Variants in C6 observed in about 807,000 individuals in gnomAD.
C6 encodes the protein complement component C6.
In C6, 101 loss-of-function variants were observed where a neutral mutation model predicts 112.9. That is an observed-to-expected ratio of 0.89 (90% confidence interval 0.76 to 1.06). The LOEUF is 1.06. C6 is among the 50% of genes least tolerant of loss of function. The pLI is 0.00. For synonymous variants in C6, 431 were observed against 384.1 expected (o/e 1.12, Z -1.43); for missense variants, 1,202 against 1,104.6 (o/e 1.09, Z -1.25).
At chr5:41,242,474 G>A (rs1287876963) in intron 1 of C6, among the ~76,000 whole-genome samples, 1 of 152,120 alleles carries the variant, frequency 6.6e-6, no homozygotes, top group Non-Finnish European at 1.5e-5. Context: ...CCAGTCTTGG[G>A]CAGTTCTTTA....
At chr5:41,162,170 C>A in intron 9 of C6, among the ~76,000 whole-genome samples, 2 of 152,146 alleles carry the variant, frequency 1.3e-5, no homozygotes, top group South Asian at 4.2e-4. Flanking sequence ...ACATTGAAGC[C>A]GAAAGTAATT....
At chr5:41,248,213 G>A (rs533127647) in intron 1 of C6, among the ~76,000 whole-genome samples, 14 of 152,260 alleles carry the variant, frequency 9.2e-5, no homozygotes, top group Middle Eastern at 3.4e-3. Context: ...TCAAAACTAT[G>A]AGAATCCTAG....
At chr5:41,145,648 T>A (rs1013336600) in intron 17 of C6, among the ~76,000 whole-genome samples, 1 of 152,212 alleles carries the variant, frequency 6.6e-6, no homozygotes, top group Admixed American at 6.6e-5. Flanking sequence ...TGCCTGGGCA[T>A]CTTGCCCTTG....
At chr5:41,254,559 G>T (rs1320947554) in intron 1 of C6, among the ~76,000 whole-genome samples, 1 of 152,086 alleles carries the variant, frequency 6.6e-6, no homozygotes, top group East Asian at 1.9e-4. Flanking sequence ...TCATTATATA[G>T]CTACCAAGTG....
chr5:41,148,007 T>C (rs1309551692), intron 17 of C6, among the ~76,000 whole-genome samples: 1 of 152,196 alleles, frequency 6.6e-6, no homozygotes, highest in African/African-American at 2.4e-5. Context: ...TTCTAGGAAA[T>C]ATAATATGGC....
Position 41,149,222 on chromosome 5 carries a change from G to C in C6, c.2623+19C>G, listed in dbSNP as rs1580029480. The C allele has an allele frequency of 6.2e-7, 1 of 1,613,626 alleles. No homozygotes were observed. Among genetic ancestry groups the C allele is most frequent in the East Asian group, 2.2e-5 (1 of 44,864 alleles). On this transcript the variant is annotated intron_variant, in intron 17 of 17. Coordinates refer to ENST00000337836, the MANE Select transcript of C6 (RefSeq NM_000065.5). Reference sequence around the variant, plus strand: ...AAGGTTAAGTGAGAGCATTTAGTATGGTCACCATTGGAACTTACCTGAACA... The same window carrying C: ...AAGGTTAAGTGAGAGCATTTAGTATCGTCACCATTGGAACTTACCTGAACA...
intron 1 of C6, among the ~76,000 whole-genome samples, chr5:41,209,221 C>G (rs1215190371): frequency 1.3e-5 from 2 of 152,130 alleles, no homozygotes; most frequent in African/African-American, 4.8e-5. Flanking sequence ...GGATGTATCT[C>G]AAAATAATAA....
chr5:41,164,920 C>A (rs1304562857), intron 9 of C6, among the ~76,000 whole-genome samples: 2 of 151,994 alleles, frequency 1.3e-5, no homozygotes, highest in Non-Finnish European at 2.9e-5. Context: ...GTGAGCACAC[C>A]CATATAATCA....
At chr5:41,169,862 C>A (rs1275119906) in intron 9 of C6, among the ~76,000 whole-genome samples, 1 of 152,162 alleles carries the variant, frequency 6.6e-6, no homozygotes, top group South Asian at 2.1e-4. Context: ...GGAAGGGATA[C>A]AAATCCAAAC....
chr5:41,219,744 G>A (rs2150402818), intron 1 of C6, among the ~76,000 whole-genome samples: 1 of 152,262 alleles, frequency 6.6e-6, no homozygotes, highest in Non-Finnish European at 1.5e-5. Context: ...TAACATCTAA[G>A]GGAGAAAAAG....
chr5:41,158,486 T>TGCCAG (rs1447751748), intron 13 of C6, among the ~76,000 whole-genome samples, 188 bp downstream of exon 13: 1 of 152,194 alleles, frequency 6.6e-6, no homozygotes, highest in East Asian at 1.9e-4. Context: ...GTCTAACAAC[T>TGCCAG]GGCTATGAAG....
chr5:41,259,683 C>T (rs917763793), intron 1 of C6, among the ~76,000 whole-genome samples: 1 of 152,168 alleles, frequency 6.6e-6, no homozygotes. Flanking sequence ...GGCCTTAACT[C>T]TAATTTTAGG....
At chr5:41,229,857 G>A (rs1580230424) in intron 1 of C6, among the ~76,000 whole-genome samples, 1 of 152,136 alleles carries the variant, frequency 6.6e-6, no homozygotes, top group Non-Finnish European at 1.5e-5. Flanking sequence ...GGTGCTCAAT[G>A]TTCTTTTGTT....
intron 9 of C6, among the ~76,000 whole-genome samples, chr5:41,162,677 T>C (rs929993922): frequency 2.0e-5 from 3 of 152,112 alleles, no homozygotes; most frequent in Non-Finnish European, 2.9e-5. Context: ...TGGCATTAAT[T>C]TGGTGTCTAT....
In C6 at chr5:41,201,539, A is replaced by T; in HGVS notation, c.300+19T>A. On this transcript the variant is annotated intron_variant, in intron 3 of 17. Coordinates refer to ENST00000337836, the MANE Select transcript of C6 (RefSeq NM_000065.5). The stretch of plus-strand genomic sequence containing the variant: ...TCTATTGTGATTCATATTTCCTGGA[A>T]ATGCCCATGGTTGCCTACCTGTTTT... 6.2e-7 allele frequency: 1 copy of T among 1,612,496 alleles called. No homozygotes were observed. The highest frequency in any genetic ancestry group is 8.5e-7 in the Non-Finnish European group (1 of 1,178,878).
Position 41,183,388 on chromosome 5 carries a change from A to T in C6, c.727-1829T>A, listed in dbSNP as rs1030258363. Among the ~76,000 whole-genome samples, 6 of 152,198 alleles carry T rather than the reference A, an allele frequency of 3.9e-5. No individual in the cohort carries two copies. The East Asian group carries it at 1.2e-3, about 29-fold the overall frequency. On this transcript the variant is annotated intron_variant, in intron 6 of 17. Transcript: ENST00000337836. ...ACAAATATATGAAAAAATGCTCATC[A>T]TCAATAATCATCAGAGAAATGCAAA...
intron 1 of C6, among the ~76,000 whole-genome samples, chr5:41,205,163 A>G (rs1164454069): frequency 1.3e-5 from 2 of 152,180 alleles, no homozygotes; most frequent in African/African-American, 4.8e-5. Context: ...AATACTACCT[A>G]TGCTTTTTAC....
intron 4 of C6, among the ~76,000 whole-genome samples, chr5:41,197,870 A>C (rs1235012716): frequency 6.6e-6 from 1 of 152,178 alleles, no homozygotes; most frequent in Non-Finnish European, 1.5e-5. Flanking sequence ...TGAGAAATTA[A>C]AGGACAGTTT....
chr5:41,215,823 G>GAATAA (rs1419531713), upstream of C6, among the ~76,000 whole-genome samples: 2 of 152,038 alleles, frequency 1.3e-5, no homozygotes, highest in Non-Finnish European at 2.9e-5. Context: ...GGTATTTTCT[G>GAATAA]CCAAGAAAAT....
Sources: allele counts gnomAD v4.1 joint callset (sites outside exome capture counted in the v4.1 genomes callset), GRCh38; gene constraint gnomAD v4.1.1; transcripts MANE v1.5; gene names NCBI Gene and HGNC (gene_info 2026-07-23, HGNC 2026-07-21).